ARNT2: variants seen among roughly 807,000 people sequenced by gnomAD.
ARNT2 encodes ARNT protein 2.
In ARNT2, 36 loss-of-function variants were observed where a neutral mutation model predicts 91.7. The observed-to-expected ratio is 0.39, with a 90% confidence interval of 0.30 to 0.52. The LOEUF (loss-of-function observed/expected upper bound fraction) is 0.52, where lower values mean the gene tolerates loss of function less well. Among genes scored for constraint, ARNT2 ranks in the 20% least tolerant of loss-of-function variants. The pLI, the probability that ARNT2 is intolerant of heterozygous loss-of-function variation, is 0.72. For missense variants in ARNT2, 775 were observed against 939.3 expected (o/e 0.83, Z 2.29); for synonymous variants, 365 against 347.1 (o/e 1.05, Z -0.57).
At chr15:80,458,376 G>A (rs138663744) in intron 3 of ARNT2, among the ~76,000 whole-genome samples, 9 of 152,194 alleles carry the variant, frequency 5.9e-5, no homozygotes, top group Non-Finnish European at 1.2e-4. Flanking sequence ...AAGCCCTAGA[G>A]TTCAAGTTTA....
intron 1 of ARNT2, among the ~76,000 whole-genome samples, chr15:80,415,896 C>A (rs541455184): frequency 6.6e-6 from 1 of 152,228 alleles, no homozygotes; most frequent in East Asian, 1.9e-4. Context: ...GAGTTTAAGG[C>A]ACCTTGAGCT....
chr15:80,420,564 A>G (rs1164767528), intron 1 of ARNT2, among the ~76,000 whole-genome samples: 3 of 152,026 alleles, frequency 2.0e-5, no homozygotes, highest in African/African-American at 7.2e-5. Flanking sequence ...AGAAGTGGAG[A>G]GCATCTGTAT....
intron 1 of ARNT2, among the ~76,000 whole-genome samples, chr15:80,406,398 A>T (rs1293823395): frequency 6.6e-6 from 1 of 152,254 alleles, no homozygotes; most frequent in Non-Finnish European, 1.5e-5. Flanking sequence ...AACTACTTCA[A>T]AATCAATGGA....
chr15:80,491,871 T>A (rs917768122), intron 5 of ARNT2, among the ~76,000 whole-genome samples: 1 of 151,540 alleles, frequency 6.6e-6, no homozygotes, highest in Non-Finnish European at 1.5e-5. Flanking sequence ...TTTGGTGATT[T>A]TTTGCTTTGT....
At chr15:80,505,696 G>A (rs1334659647) in intron 5 of ARNT2, among the ~76,000 whole-genome samples, 1 of 152,168 alleles carries the variant, frequency 6.6e-6, no homozygotes, top group African/African-American at 2.4e-5. Flanking sequence ...CAGCTCCAGA[G>A]TCTATGCTCT....
intron 4 of ARNT2, among the ~76,000 whole-genome samples, chr15:80,474,022 G>A (rs1486158822): frequency 6.6e-6 from 1 of 152,194 alleles, no homozygotes; most frequent in Non-Finnish European, 1.5e-5. Context: ...ATGGATTACA[G>A]TGTCTAGGGA....
At chr15:80,430,691 T>G (rs1464061410) in intron 1 of ARNT2, among the ~76,000 whole-genome samples, 2 of 152,230 alleles carry the variant, frequency 1.3e-5, no homozygotes, top group African/African-American at 4.8e-5. Flanking sequence ...CTCAGGGTTT[T>G]TCTTTGCTCT....
At chr15:80,508,694 A>G (rs1292967247) in intron 6 of ARNT2, among the ~76,000 whole-genome samples, 4 of 152,228 alleles carry the variant, frequency 2.6e-5, no homozygotes, top group African/African-American at 9.6e-5. Context: ...GATATGTTAA[A>G]TGTAAATGTC....
At chr15:80,518,966 G>A (rs1897487602) in intron 8 of ARNT2, among the ~76,000 whole-genome samples, 1 of 152,138 alleles carries the variant, frequency 6.6e-6, no homozygotes, top group Non-Finnish European at 1.5e-5. Flanking sequence ...GTGAGAACCT[G>A]GTGGGTTCCT....
intron 5 of ARNT2, among the ~76,000 whole-genome samples, chr15:80,484,909 G>A (rs922630622): frequency 2.6e-5 from 4 of 152,164 alleles, no homozygotes; most frequent in African/African-American, 7.2e-5. Flanking sequence ...ACAGTCCATG[G>A]CCTTTACCTT....
At chr15:80,556,704 C>T (rs73494724) in intron 11 of ARNT2, 12,705 of 152,326 alleles carry the variant, frequency 0.083, 566 homozygotes, top group Middle Eastern at 0.12. Context: ...TTGTCCCATG[C>T]ACTATTAAAT....
chr15:80,555,215 C>A, intron 11 of ARNT2, 76 bp downstream of exon 11: 2 of 1,501,298 alleles, frequency 1.3e-6, no homozygotes, highest in Admixed American at 1.7e-5. Context: ...GGACATTAGT[C>A]CTACTATGTG....
At position 80,412,633 on chromosome 15, in the gene ARNT2, G is replaced by A. The variant is rs537215259; in HGVS notation, c.31+8087G>A. 3.9e-5 allele frequency among the ~76,000 whole-genome samples: 6 copies of A among 152,212 alleles called. No homozygotes were observed. In the South Asian group the frequency reaches 1.2e-3, roughly 32 times the overall value. ...GAGAAGCTGCATATATTCTGTTTAT[G>A]GCTGTGTCATAATTCATTAACTCAC... On this transcript the variant is annotated intron_variant, in intron 1 of 18. Coordinates refer to ENST00000303329, the MANE Select transcript of ARNT2 (RefSeq NM_014862.4).
rs1898647089 is a variant in ARNT2 at position 80,575,033 on chromosome 15, C to A, written c.1436C>A (p.Ser479Tyr). ...LPAGVHEAGKSVEKADAIFSQ... is the reference protein window; with the variant it reads ...LPAGVHEAGKYVEKADAIFSQ... Reference sequence around the variant, plus strand: ...GCCGGTGTTCATGAGGCCGGGAAGTCCGTGGAAAAGGCGGATGCAATCTTC... The same window carrying A: ...GCCGGTGTTCATGAGGCCGGGAAGTACGTGGAAAAGGCGGATGCAATCTTC... Residue 479 changes from serine (S) to tyrosine (Y), a missense_variant, in exon 14 of 19, where the codon TCC (serine) becomes TAC (tyrosine). Transcript: ENST00000303329. 6.2e-7 allele frequency: 1 copy of A among 1,614,154 alleles called. No individual in the cohort carries two copies. The highest frequency in any genetic ancestry group is 8.5e-7 in the Non-Finnish European group (1 of 1,180,006).
At chr15:80,478,370 T>C (rs1160355847) in intron 5 of ARNT2, among the ~76,000 whole-genome samples, 1 of 152,208 alleles carries the variant, frequency 6.6e-6, no homozygotes, top group Non-Finnish European at 1.5e-5. Flanking sequence ...TTTCTGTCCA[T>C]GTGAAGTCTG....
chr15:80,452,084 T>G (rs573035077), intron 2 of ARNT2, among the ~76,000 whole-genome samples: 1 of 152,292 alleles, frequency 6.6e-6, no homozygotes, highest in Non-Finnish European at 1.5e-5. Context: ...AGTATCAGGA[T>G]CTGGGATGGA....
At chr15:80,515,176 G>A (rs1897412481) in intron 8 of ARNT2, among the ~76,000 whole-genome samples, 1 of 152,178 alleles carries the variant, frequency 6.6e-6, no homozygotes, top group Non-Finnish European at 1.5e-5. Context: ...ATATAAAATA[G>A]CATAGCCACT....
chr15:80,441,941 G>C (rs558648996), intron 1 of ARNT2, among the ~76,000 whole-genome samples: 5 of 152,324 alleles, frequency 3.3e-5, no homozygotes, highest in African/African-American at 1.2e-4. Context: ...TGTGTAATGG[G>C]AAACAATTTC....
intron 1 of ARNT2, among the ~76,000 whole-genome samples, chr15:80,439,310 G>A (rs1896149396): frequency 6.6e-6 from 1 of 152,188 alleles, no homozygotes. Flanking sequence ...GGTGACCTGA[G>A]TATCGTAAGG....
Sources: allele counts gnomAD v4.1 joint callset (sites outside exome capture counted in the v4.1 genomes callset), GRCh38; gene constraint gnomAD v4.1.1; transcripts MANE v1.5; gene names NCBI Gene and HGNC (gene_info 2026-07-23, HGNC 2026-07-21).